MAP2K1: variants seen among roughly 807,000 people sequenced by gnomAD.
The protein encoded by MAP2K1 is dual specificity mitogen-activated protein kinase kinase 1.
In MAP2K1, 16 loss-of-function variants were observed where a neutral mutation model predicts 46.3. The ratio of observed to expected loss-of-function variants is 0.35; its 90% CI spans 0.23 to 0.52. MAP2K1 has a LOEUF of 0.52. Among genes scored for constraint, MAP2K1 ranks in the 20% least tolerant of loss-of-function variants. The pLI is 0.94. For synonymous variants in MAP2K1, 183 were observed against 185.6 expected, an observed-to-expected ratio of 0.99 and a Z score of 0.11; for missense variants, 263 against 497.1, an observed-to-expected ratio of 0.53 and a Z score of 4.48.
rs1473550111 is a variant in MAP2K1, at chr15:66,413,462, CCT to C, written c.81-21563_81-21562del. Among the ~76,000 whole-genome samples the C allele has an allele frequency of 2.0e-5, 3 of 152,280 alleles. No individual in the cohort carries two copies. The East Asian group carries it at 5.8e-4, about 29-fold the overall frequency. On this transcript the variant is annotated intron_variant, in intron 1 of 10. Coordinates refer to ENST00000307102, the MANE Select transcript of MAP2K1 (RefSeq NM_002755.4). ...TTTGTTGACGTTTAAAGTTCTCTGA[CCT>C]CCCTGTGTCTACCTGTTCATAATAC... is the stretch of plus-strand genomic sequence containing the variant.
intron 5 of MAP2K1, among the ~76,000 whole-genome samples, chr15:66,449,608 C>T (rs944674164): frequency 2.0e-5 from 3 of 152,248 alleles, no homozygotes; most frequent in East Asian, 3.9e-4. Context: ...AGGCTGGGTG[C>T]GGTGGCTCAC....
chr15:66,400,471 A>T (rs974018310), intron 1 of MAP2K1, among the ~76,000 whole-genome samples: 32 of 152,234 alleles, frequency 2.1e-4, no homozygotes, highest in Admixed American at 1.9e-3. Flanking sequence ...GAACACAGAG[A>T]CTAGGAACAA....
chr15:66,448,464 G>A (rs184889050), intron 5 of MAP2K1, among the ~76,000 whole-genome samples: 1 of 152,318 alleles, frequency 6.6e-6, no homozygotes, highest in African/African-American at 2.4e-5. Flanking sequence ...GTAGAAAGAG[G>A]AGTAATGGCA....
chr15:66,441,836 G>A (rs954979692), intron 3 of MAP2K1, among the ~76,000 whole-genome samples: 1 of 151,992 alleles, frequency 6.6e-6, no homozygotes, highest in Non-Finnish European at 1.5e-5. Context: ...AATATAGACA[G>A]GATACTTTAG....
intron 1 of MAP2K1, among the ~76,000 whole-genome samples, chr15:66,402,969 G>C (rs898300552): frequency 1.3e-5 from 2 of 152,078 alleles, no homozygotes; most frequent in Non-Finnish European, 2.9e-5. Context: ...TCTTTCCAAG[G>C]AGCTGTGAAA....
intron 1 of MAP2K1, among the ~76,000 whole-genome samples, chr15:66,391,633 T>C (rs1282723462): frequency 1.3e-5 from 2 of 152,230 alleles, no homozygotes; most frequent in South Asian, 2.1e-4. Flanking sequence ...TGGCACATAA[T>C]AGGTCCATAG....
intron 6 of MAP2K1, among the ~76,000 whole-genome samples, chr15:66,484,148 C>CG (rs1892981587): frequency 6.6e-6 from 1 of 151,438 alleles, no homozygotes; most frequent in African/African-American, 2.4e-5. Context: ...CACCCCCCCC[C>CG]ACCTTTTTTT....
At chr15:66,403,198 T>G (rs2093386627) in intron 1 of MAP2K1, among the ~76,000 whole-genome samples, 1 of 152,244 alleles carries the variant, frequency 6.6e-6, no homozygotes. Context: ...ATGTTTTCAT[T>G]TGGGAAAGTT....
At chr15:66,481,732 T>C (rs2140667118) in intron 5 of MAP2K1, 23 bp from the exon 6 acceptor site, 5 of 1,610,350 alleles carry the variant, frequency 3.1e-6, no homozygotes, top group Non-Finnish European at 4.2e-6. Context: ...GTTCCCTCCT[T>C]TTCTATTTTC....
chr15:66,466,548 T>G (rs994334521), intron 5 of MAP2K1, among the ~76,000 whole-genome samples: 1 of 151,902 alleles, frequency 6.6e-6, no homozygotes, highest in African/African-American at 2.4e-5. Context: ...GGCGTGGTGG[T>G]GTGTGCCTGT....
chr15:66,417,790 A>C (rs1225231961), intron 1 of MAP2K1, among the ~76,000 whole-genome samples: 1 of 152,066 alleles, frequency 6.6e-6, no homozygotes, highest in Non-Finnish European at 1.5e-5. Flanking sequence ...TCTTGTATAT[A>C]AGGGGGAAGC....
At chr15:66,432,107 T>C (rs1042841490) in intron 1 of MAP2K1, among the ~76,000 whole-genome samples, 1 of 152,180 alleles carries the variant, frequency 6.6e-6, no homozygotes, top group Admixed American at 6.5e-5. Flanking sequence ...GACTTGTCCA[T>C]GGTCACACAG....
intron 1 of MAP2K1, among the ~76,000 whole-genome samples, chr15:66,421,895 T>TG: frequency 6.6e-6 from 1 of 151,046 alleles, no homozygotes; most frequent in Non-Finnish European, 1.5e-5. Context: ...TTTTTTTTTT[T>TG]TGCTATCTCA....
chr15:66,464,142 A>G (rs1440030329), intron 5 of MAP2K1, among the ~76,000 whole-genome samples: 2 of 152,200 alleles, frequency 1.3e-5, no homozygotes, highest in African/African-American at 4.8e-5. Flanking sequence ...GCATTTTAGA[A>G]GAAAATGAAT....
intron 5 of MAP2K1, chr15:66,453,368 G>A: frequency 1.5e-6 from 1 of 646,080 alleles, no homozygotes; most frequent in Admixed American, 2.3e-5. Context: ...TTTACCACTT[G>A]CACAGCCAAG....
chr15:66,433,240 A>T (rs928224885), intron 1 of MAP2K1, among the ~76,000 whole-genome samples: 1 of 152,230 alleles, frequency 6.6e-6, no homozygotes, highest in East Asian at 1.9e-4. Flanking sequence ...ACACTGCAAG[A>T]CATAGCCGAA....
chr15:66,390,754 C>T (rs76827269), intron 1 of MAP2K1, among the ~76,000 whole-genome samples: 37 of 152,296 alleles, frequency 2.4e-4, no homozygotes, highest in African/African-American at 8.9e-4. Flanking sequence ...TTATATTGGA[C>T]TATGAGACTG....
At chr15:66,454,289 G>A (rs1056720679) in intron 5 of MAP2K1, among the ~76,000 whole-genome samples, 4 of 148,552 alleles carry the variant, frequency 2.7e-5, no homozygotes, top group South Asian at 2.1e-4. Context: ...ATGGTGGCCC[G>A]TTTTTTTCCA....
intron 5 of MAP2K1, among the ~76,000 whole-genome samples, chr15:66,463,140 C>T (rs1169862933): frequency 1.3e-5 from 2 of 152,164 alleles, no homozygotes; most frequent in Non-Finnish European, 2.9e-5. Context: ...GGGTGGGGCT[C>T]CTTCGGGTGA....
Sources: gnomAD v4.1 joint callset for allele counts (sites outside exome capture counted in the v4.1 genomes callset) on GRCh38, gnomAD v4.1.1 for gene constraint, MANE v1.5 for transcripts, NCBI Gene and HGNC (gene_info 2026-07-23, HGNC 2026-07-21) for gene names.